ACKR3: variants seen among roughly 807,000 people sequenced by gnomAD.
The protein encoded by ACKR3 is atypical chemokine receptor 3.
A neutral mutation model predicts 22.4 loss-of-function variants in ACKR3; 6 were observed. The ratio of observed to expected loss-of-function variants is 0.27; its 90% CI spans 0.15 to 0.53. The LOEUF (loss-of-function observed/expected upper bound fraction) is 0.53, where lower values mean the gene tolerates loss of function less well. ACKR3 is among the 20% of genes least tolerant of loss of function. The pLI is 0.96. For synonymous variants in ACKR3, 209 were observed against 205.2 expected (o/e 1.02, Z -0.16); for missense variants, 396 against 475.2 (o/e 0.83, Z 1.55).
the ACKR3 span, among the ~76,000 whole-genome samples, chr2:236,537,796 G>A: frequency 5.3e-5 from 8 of 152,286 alleles, no homozygotes; most frequent in African/African-American, 1.2e-4. Flanking sequence ...CTCTTCCACC[G>A]CCTTTACTTT....
At chr2:236,547,038 A>G in the ACKR3 span, among the ~76,000 whole-genome samples, 1 of 152,136 alleles carries the variant, frequency 6.6e-6, no homozygotes, top group East Asian at 1.9e-4. Context: ...AGAGTCAGAG[A>G]GTTGGAGGTT....
rs1306651503 is a variant in ACKR3 at position 236,580,862 on chromosome 2, T to G, written c.397T>G (p.Phe133Val). The G allele has an allele frequency of 6.2e-6, 10 of 1,614,080 alleles. No homozygotes were observed. Among genetic ancestry groups the G allele is most frequent in the Non-Finnish European group, 7.6e-6 (9 of 1,180,050 alleles). ...IFSINLFGSI[F>V]FLTCMSVDRY... ...CTCCATCAACCTCTTCGGCAGCATT[T>G]TCTTCCTCACGTGCATGAGCGTGGA... The change falls in exon 2 of 2, where the codon TTC (phenylalanine) becomes GTC (valine). Residue 133 changes from phenylalanine (F) to valine (V), a missense_variant. Phe to Val is a conservative substitution (Grantham distance 50, BLOSUM62 -1). Coordinates refer to ENST00000272928, the MANE Select transcript of ACKR3 (RefSeq NM_020311.3).
At chr2:236,557,253 C>T in the ACKR3 span, among the ~76,000 whole-genome samples, 7 of 139,904 alleles carry the variant, frequency 5.0e-5, no homozygotes, top group Admixed American at 1.4e-4. Context: ...TTCATGTGAA[C>T]GTATGTGTGT....
the ACKR3 span, among the ~76,000 whole-genome samples, chr2:236,544,458 C>G: frequency 6.6e-6 from 1 of 152,058 alleles, no homozygotes. The surrounding 1 kb of genome is among the most constrained non-coding windows in gnomAD (Gnocchi z 5.0). Flanking sequence ...CGGAGCAGGT[C>G]GGAGAAAATG....
At chr2:236,546,732 C>T in the ACKR3 span, among the ~76,000 whole-genome samples, 4 of 152,166 alleles carry the variant, frequency 2.6e-5, no homozygotes, top group African/African-American at 4.8e-5. The surrounding 1 kb of genome is among the most constrained non-coding windows in gnomAD (Gnocchi z 4.9). Flanking sequence ...TGGGGAGCCT[C>T]GTTCAGGGGA....
chr2:236,581,284 G>A lies in ACKR3; in HGVS notation c.819G>A (p.Leu273=). 1.2e-6 allele frequency: 2 copies of A among 1,614,044 alleles called. No individual in the cohort carries two copies. The highest frequency in any genetic ancestry group is 1.7e-6 in the Non-Finnish European group (2 of 1,179,948). Residue 273 remains leucine (L), a synonymous_variant, in exon 2 of 2, where the codon CTG becomes CTA. Transcript: ENST00000272928. The surrounding 1 kb of genome is among the most constrained non-coding windows in gnomAD (Gnocchi z 4.4). ...VCWLPYHVAV[L]LDIFSILHYI... ...GGCTGCCCTACCACGTGGCGGTGCT[G>A]CTGGACATCTTCTCCATCCTGCACT...
At chr2:236,543,018 T>C in the ACKR3 span, among the ~76,000 whole-genome samples, 8 of 127,276 alleles carry the variant, frequency 6.3e-5, no homozygotes, top group Middle Eastern at 0.014. Flanking sequence ...TACAAATTCA[T>C]TGTGGAAGAC....
the ACKR3 span, among the ~76,000 whole-genome samples, chr2:236,546,024 C>G: frequency 6.6e-6 from 1 of 152,176 alleles, no homozygotes; most frequent in Non-Finnish European, 1.5e-5. This position sits in a 1 kb window ranked among gnomAD's most constrained non-coding sequence, Gnocchi z 4.9. Flanking sequence ...GTTTTGCTTC[C>G]TTTTCAGAGA....
chr2:236,544,592 C>A, the ACKR3 span, among the ~76,000 whole-genome samples: 2 of 152,060 alleles, frequency 1.3e-5, no homozygotes, highest in African/African-American at 4.8e-5. This position sits in a 1 kb window ranked among gnomAD's most constrained non-coding sequence, Gnocchi z 5.0. Flanking sequence ...TGGAGAGATG[C>A]CTGAAGGCCT....
At chr2:236,545,985 A>G in the ACKR3 span, among the ~76,000 whole-genome samples, 2 of 152,194 alleles carry the variant, frequency 1.3e-5, no homozygotes, top group South Asian at 2.1e-4. This position sits in a 1 kb window ranked among gnomAD's most constrained non-coding sequence, Gnocchi z 5.3. Flanking sequence ...GCACGACTAC[A>G]AAGGAGGGGC....
Position 236,578,608 on chromosome 2 carries a change from C to T in ACKR3, c.-26-1832C>T, listed in dbSNP as rs10177219. ...GGGGACCCCACAGTCATTTACATCCCGCAGAGGGAAGTGCCCAGAAGCCCG... is the reference window on the plus strand; with the variant it reads ...GGGGACCCCACAGTCATTTACATCCTGCAGAGGGAAGTGCCCAGAAGCCCG... On this transcript the variant is annotated intron_variant, in intron 1 of 1. Transcript: ENST00000272928. Among the ~76,000 whole-genome samples, 1,489 of 152,296 alleles carry T rather than the reference C, an allele frequency of 9.8e-3. 27 individuals are homozygous for T. Among genetic ancestry groups the T allele is most frequent in the African/African-American group, 0.034 (1,423 of 41,558 alleles).
the ACKR3 span, among the ~76,000 whole-genome samples, chr2:236,540,356 GT>G: frequency 0.044 from 6,391 of 145,300 alleles, 446 homozygotes; most frequent in African/African-American, 0.15. Context: ...TCTTTTGTCT[GT>G]TTTTTTTTTT....
intron 1 of ACKR3, among the ~76,000 whole-genome samples, chr2:236,578,884 C>T (rs1006961418): frequency 1.3e-5 from 2 of 152,226 alleles, no homozygotes; most frequent in East Asian, 1.9e-4. Flanking sequence ...AAAAACCGCT[C>T]CCTTAGGTGG....
In ACKR3 at chr2:236,580,732, C is replaced by A. The variant is rs147420191; in HGVS notation, c.267C>A (p.Ala89=). Residue 89 remains alanine, a synonymous_variant, in exon 2 of 2, where the codon GCC becomes GCA. Coordinates refer to ENST00000272928, the MANE Select transcript of ACKR3 (RefSeq NM_020311.3). ...GCTACATCTTGAACCTGGCCATTGC[C>A]GACCTGTGGGTTGTCCTCACCATCC... ...THCYILNLAI[A]DLWVVLTIPV... is the part of the protein sequence containing the mutation. The A allele has an allele frequency of 6.9e-5, 112 of 1,614,038 alleles. No individual in the cohort carries two copies. Among genetic ancestry groups the A allele is most frequent in the Non-Finnish European group, 9.3e-5 (110 of 1,180,042 alleles).
Position 236,581,564 on chromosome 2 carries a change from G to A in ACKR3, c.*10G>A. 1 of 1,607,412 alleles carries A rather than the reference G, an allele frequency of 6.2e-7. No homozygotes were observed. The highest frequency in any genetic ancestry group is 8.5e-7 in the Non-Finnish European group (1 of 1,175,046). On this transcript the variant is annotated 3_prime_UTR_variant, in exon 2 of 2. Coordinates refer to ENST00000272928, the MANE Select transcript of ACKR3 (RefSeq NM_020311.3). The surrounding 1 kb of genome is among the most constrained non-coding windows in gnomAD (Gnocchi z 4.4). ...GCAGAGCACCAAATGATCTGCCCTG[G>A]AGAGGCTCTGGGACGGGTTTACTTG...
At chr2:236,542,408 G>GTT in the ACKR3 span, among the ~76,000 whole-genome samples, 4 of 152,186 alleles carry the variant, frequency 2.6e-5, no homozygotes, top group Non-Finnish European at 5.9e-5. Flanking sequence ...ATAATGTGCT[G>GTT]TTGCTGTGTG....
At chr2:236,571,708 G>A (rs989603710) in intron 1 of ACKR3, among the ~76,000 whole-genome samples, 1 of 151,482 alleles carries the variant, frequency 6.6e-6, no homozygotes, top group Admixed American at 6.6e-5. Flanking sequence ...TAGGGCGAGA[G>A]CTCCTGTTTT....
At chr2:236,547,761 A>C in the ACKR3 span, among the ~76,000 whole-genome samples, 20 of 152,112 alleles carry the variant, frequency 1.3e-4, no homozygotes, top group African/African-American at 4.6e-4. Flanking sequence ...GTCATATTTC[A>C]ATCTAATTGC....
chr2:236,563,813 G>T (rs1457472294), upstream of ACKR3, among the ~76,000 whole-genome samples: 1 of 152,160 alleles, frequency 6.6e-6, no homozygotes, highest in Non-Finnish European at 1.5e-5. Context: ...ACTGACCCTT[G>T]AGAGACTGTC....
Sources: allele counts gnomAD v4.1 joint callset (sites outside exome capture counted in the v4.1 genomes callset), GRCh38; gene constraint gnomAD v4.1.1; non-coding constraint Gnocchi (gnomAD v3.1); transcripts MANE v1.5; gene names NCBI Gene and HGNC (gene_info 2026-07-23, HGNC 2026-07-21).